Variants in TRPC4 observed in about 807,000 individuals in gnomAD.
TRPC4 encodes the protein transient receptor potential cation channel subfamily C member 4.
Under a neutral mutation model 99.4 loss-of-function variants are expected in TRPC4, and 49 were observed. The observed-to-expected ratio is 0.49, with a 90% CI of 0.39 to 0.63. The LOEUF is 0.63. Ranked by LOEUF, TRPC4 falls within the 20% of genes least tolerant of loss-of-function variation. The probability of loss-of-function intolerance (pLI) is 0.00; values close to 1 mark genes in which losing one functional copy is unlikely to be tolerated. For synonymous variants in TRPC4, 454 were observed against 425.9 expected (o/e 1.07, Z -0.81); for missense variants, 898 against 1,152.9 (o/e 0.78, Z 3.20).
chr13:37,773,486 T>C (rs1956613228), intron 2 of TRPC4, among the ~76,000 whole-genome samples: 1 of 151,850 alleles, frequency 6.6e-6, no homozygotes, highest in African/African-American at 2.4e-5. Flanking sequence ...TAGTGACTGC[T>C]TAAACAAGTG....
chr13:37,787,694 A>C (rs1389124646), intron 1 of TRPC4, among the ~76,000 whole-genome samples: 1 of 152,100 alleles, frequency 6.6e-6, no homozygotes, highest in Admixed American at 6.6e-5. Context: ...TTTCTTTGAG[A>C]AGTTGTAGGG....
rs1198454985 is a variant in TRPC4 at position 37,668,425 on chromosome 13, T to G, written c.1375-4696A>C. Among the ~76,000 whole-genome samples the G allele has an allele frequency of 3.9e-5, 6 of 152,162 alleles. No individual in the cohort carries two copies. In the East Asian group the frequency reaches 1.2e-3, roughly 29 times the overall value. ...TATATGATAGGAACTCAAAAAGCAC[T>G]CTGGGGAGAAGAATTATAGACATAT... On this transcript the variant is annotated intron_variant, in intron 5 of 10. Transcript: ENST00000379705.
chr13:37,803,359 GGCTGA>G (rs775691277), intron 1 of TRPC4, among the ~76,000 whole-genome samples: 43 of 152,020 alleles, frequency 2.8e-4, no homozygotes, highest in Non-Finnish European at 1.0e-4. Context: ...GGCAGACAGT[GGCTGA>G]GCTAAGAAAA....
intron 1 of TRPC4, among the ~76,000 whole-genome samples, chr13:37,868,750 A>G (rs894545829): frequency 3.9e-5 from 6 of 152,118 alleles, no homozygotes; most frequent in Non-Finnish European, 8.8e-5. Context: ...TTCACTGGGA[A>G]GGGCCTCTCT....
intron 1 of TRPC4, among the ~76,000 whole-genome samples, chr13:37,864,820 T>C (rs562685554): frequency 6.6e-6 from 1 of 151,914 alleles, no homozygotes; most frequent in East Asian, 1.9e-4. Flanking sequence ...AACTAGGCAC[T>C]AACTAGGCTT....
intron 3 of TRPC4, among the ~76,000 whole-genome samples, chr13:37,700,405 T>C (rs968591318): frequency 1.3e-5 from 2 of 151,992 alleles, no homozygotes; most frequent in African/African-American, 4.8e-5. Context: ...CACAGAGGAG[T>C]GGCATGTTCA....
At position 37,651,474 on chromosome 13, in the gene TRPC4, A is replaced by G. The variant is rs368413989; in HGVS notation, c.1885-15T>C. 37 of 1,608,122 alleles carry G rather than the reference A, an allele frequency of 2.3e-5. No individual in the cohort carries two copies. In the East Asian group the frequency reaches 4.7e-4, roughly 20 times the overall value. On this transcript the variant is annotated splice_polypyrimidine_tract_variant and intron_variant, in intron 7 of 10. Transcript: ENST00000379705. Reference sequence around the variant, plus strand: ...TCTGCATGGTCCTGAACAGGAGAACATGACAACTGATGATAGGTTCCTTAA... The same window carrying G: ...TCTGCATGGTCCTGAACAGGAGAACGTGACAACTGATGATAGGTTCCTTAA...
chr13:37,806,805 G>T (rs181112737), intron 1 of TRPC4, among the ~76,000 whole-genome samples: 49 of 152,172 alleles, frequency 3.2e-4, no homozygotes, highest in Non-Finnish European at 5.7e-4. Context: ...GGGGAAGAAA[G>T]ATCACATTCT....
At chr13:37,718,421 T>G (rs189735104) in intron 3 of TRPC4, among the ~76,000 whole-genome samples, 1 of 151,732 alleles carries the variant, frequency 6.6e-6, no homozygotes, top group Non-Finnish European at 1.5e-5. Context: ...TGATCCATTC[T>G]CAAGAGAAAA....
chr13:37,670,647 A>C (rs1952807387), intron 5 of TRPC4, among the ~76,000 whole-genome samples: 1 of 152,192 alleles, frequency 6.6e-6, no homozygotes, highest in Non-Finnish European at 1.5e-5. Context: ...TCCTATGTTC[A>C]CTGCTCTATT....
chr13:37,764,373 T>C (rs962172171), intron 2 of TRPC4, among the ~76,000 whole-genome samples: 2 of 151,020 alleles, frequency 1.3e-5, no homozygotes, highest in Non-Finnish European at 3.0e-5. Flanking sequence ...CTAGTGTTTA[T>C]AATGTATAGA....
At chr13:37,713,409 A>T (rs1345355520) in intron 3 of TRPC4, among the ~76,000 whole-genome samples, 2 of 152,186 alleles carry the variant, frequency 1.3e-5, no homozygotes, top group Admixed American at 6.5e-5. Flanking sequence ...TAAAAGCTAA[A>T]CTTTCAGTTA....
Position 37,752,075 on chromosome 13 carries a change from CTATATAT to C in TRPC4, c.379-5627_379-5621del, listed in dbSNP as rs1290800864. Among the ~76,000 whole-genome samples, 5 of 73,952 alleles carry C rather than the reference CTATATAT, an allele frequency of 6.8e-5. 1 individual carries two copies. Among genetic ancestry groups the C allele is most frequent in the Admixed American group, 1.4e-4 (1 of 7,158 alleles). 48.5% of individuals were successfully genotyped at this position (73,952 alleles called of 152,430 possible). A position where few individuals can be genotyped will look rare whatever the true frequency, so the allele number is the denominator to read the frequency against. On this transcript the variant is annotated intron_variant, in intron 2 of 10. Transcript: ENST00000379705. ...TACCAAAACCTGATAAAGCAGAAAA[CTATATAT>C]ATATATATATATATGACTGGTAGAG...
At chr13:37,643,409 TGTAA>T (rs1951782988) in intron 8 of TRPC4, among the ~76,000 whole-genome samples, 1 of 152,152 alleles carries the variant, frequency 6.6e-6, no homozygotes, top group African/African-American at 2.4e-5. Flanking sequence ...CGGGAAGTGC[TGTAA>T]GTGTGATATT....
intron 4 of TRPC4, among the ~76,000 whole-genome samples, chr13:37,681,592 T>G (rs985113513): frequency 6.6e-6 from 1 of 152,158 alleles, no homozygotes; most frequent in African/African-American, 2.4e-5. Context: ...TCTGGCAACA[T>G]TTACTGAATT....
chr13:37,735,446 A>G (rs796371745), intron 3 of TRPC4, among the ~76,000 whole-genome samples: 5 of 152,330 alleles, frequency 3.3e-5, no homozygotes, highest in African/African-American at 1.2e-4. Context: ...CAGAGAAAAT[A>G]TCAGTCACTA....
intron 2 of TRPC4, among the ~76,000 whole-genome samples, chr13:37,760,714 G>T (rs548318335): frequency 6.6e-6 from 1 of 151,850 alleles, no homozygotes; most frequent in East Asian, 1.9e-4. Flanking sequence ...AGATTTTTTT[G>T]CAATTAAAAA....
intron 6 of TRPC4, among the ~76,000 whole-genome samples, chr13:37,655,824 T>C (rs1052407204): frequency 6.6e-6 from 1 of 152,160 alleles, no homozygotes; most frequent in African/African-American, 2.4e-5. Context: ...CTCCTTTTCA[T>C]AGAACATTTG....
intron 3 of TRPC4, among the ~76,000 whole-genome samples, chr13:37,709,636 C>T (rs547880606): frequency 1.8e-3 from 270 of 152,046 alleles, no homozygotes; most frequent in Non-Finnish European, 3.6e-3. Context: ...TATTCTCTGT[C>T]CAGTGGCTCT....
Sources: allele counts gnomAD v4.1 joint callset (sites outside exome capture counted in the v4.1 genomes callset), GRCh38; gene constraint gnomAD v4.1.1; transcripts MANE v1.5; gene names NCBI Gene and HGNC (gene_info 2026-07-23, HGNC 2026-07-21).